The following DCX variants were observed in gnomAD, a reference collection of about 807,000 sequenced individuals.
DCX encodes the protein doublecortin, also known as neuronal migration protein doublecortin.
In DCX, 4 loss-of-function variants were observed where a neutral mutation model predicts 20.9. The ratio of observed to expected loss-of-function variants is 0.19; its 90% confidence interval spans 0.09 to 0.44. The LOEUF (loss-of-function observed/expected upper bound fraction) is 0.44. DCX is among the 20% of genes least tolerant of loss of function. DCX has a pLI of 0.99. For missense variants in DCX, 133 were observed against 296.9 expected, an observed-to-expected ratio of 0.45 and a Z score of 4.06; for synonymous variants, 103 against 111.4, an observed-to-expected ratio of 0.92 and a Z score of 0.47.
intron 3 of DCX, among the ~76,000 whole-genome samples, chrX:111,344,088 T>C (rs1259047063): frequency 1.8e-5 from 2 of 112,241 alleles, no homozygotes; most frequent in Non-Finnish European, 3.8e-5. Flanking sequence ...GTTGAACATA[T>C]GCAAATCAAT....
chrX:111,391,530 C>T (rs1359091964), intron 3 of DCX, among the ~76,000 whole-genome samples: 2 of 111,282 alleles, frequency 1.8e-5, no homozygotes, highest in African/African-American at 3.3e-5. Flanking sequence ...CTGCCCGGCA[C>T]CTTACCTGTA....
intron 5 of DCX, among the ~76,000 whole-genome samples, chrX:111,328,528 C>T (rs919481660): frequency 3.6e-5 from 4 of 111,485 alleles, no homozygotes; most frequent in Non-Finnish European, 7.5e-5. Flanking sequence ...AAGCTGATAC[C>T]ACCTGAGAAT....
chrX:111,312,851 A>C, intron 5 of DCX, 115 bp from the exon 6 acceptor site: 1 of 713,708 alleles, frequency 1.4e-6, no homozygotes, highest in Non-Finnish European at 2.2e-6. Flanking sequence ...CAGACAACCA[A>C]GTGATTTGGT....
intron 1 of DCX, among the ~76,000 whole-genome samples, chrX:111,411,364 C>T (rs928032987): frequency 6.4e-5 from 7 of 108,630 alleles, no homozygotes; most frequent in African/African-American, 1.7e-4. Context: ...AGGAAGCACA[C>T]CTTTCATTGT....
At chrX:111,361,306 A>G (rs993155511) in intron 3 of DCX, among the ~76,000 whole-genome samples, 1 of 112,172 alleles carries the variant, frequency 8.9e-6, no homozygotes, top group Non-Finnish European at 1.9e-5. Context: ...TGTGTACTTA[A>G]AAAAATAATA....
At chrX:111,397,043 A>G (rs770981969) in intron 3 of DCX, among the ~76,000 whole-genome samples, 14 of 111,833 alleles carry the variant, frequency 1.3e-4, no homozygotes, top group African/African-American at 4.5e-4. Flanking sequence ...GACACATTCA[A>G]ACAAAATAAA....
rs1458303714 is a variant in DCX at position 111,300,490 on chromosome X, C to T, written c.*1197G>A. 2 of 112,411 alleles carry T rather than the reference C, an allele frequency of 1.8e-5. No homozygotes were observed. Among genetic ancestry groups the T allele is most frequent in the African/African-American group, 6.5e-5 (2 of 30,877 alleles). 9.3% of individuals were successfully genotyped at this position (112,411 alleles called of 1,213,427 possible). A position where few individuals can be genotyped will look rare whatever the true frequency, so the allele number is the denominator to read the frequency against. On this transcript the variant is annotated 3_prime_UTR_variant, in exon 7 of 7. Coordinates refer to ENST00000636035, the MANE Select transcript of DCX (RefSeq NM_001195553.2). ...TCCACATTGAAATTATTAATGCAAG[C>T]ATAACTGTTAAAAAGCTATCAAAAA...
chrX:111,388,997 G>C (rs934220298), intron 3 of DCX, among the ~76,000 whole-genome samples: 1 of 111,617 alleles, frequency 9.0e-6, no homozygotes, highest in Admixed American at 9.5e-5. Context: ...GGACAGACTA[G>C]TTTTGATAGA....
intron 5 of DCX, among the ~76,000 whole-genome samples, chrX:111,319,143 C>A (rs1258498562): frequency 1.8e-5 from 2 of 111,902 alleles, no homozygotes; most frequent in African/African-American, 6.5e-5. Context: ...AAGAAGTTTG[C>A]ATTTGGTTTC....
chrX:111,408,381 G>C (rs1426540715), intron 2 of DCX, among the ~76,000 whole-genome samples: 2 of 110,687 alleles, frequency 1.8e-5, no homozygotes, highest in Non-Finnish European at 3.8e-5. Flanking sequence ...CCAACACTTT[G>C]GGAGGCCAAG....
intron 5 of DCX, among the ~76,000 whole-genome samples, chrX:111,330,200 C>T (rs950613981): frequency 8.9e-6 from 1 of 112,065 alleles, no homozygotes; most frequent in Non-Finnish European, 1.9e-5. Context: ...TGCTTAATGG[C>T]ATAGTTTATT....
At chrX:111,346,469 G>T (rs1348608249) in intron 3 of DCX, among the ~76,000 whole-genome samples, 2 of 112,593 alleles carry the variant, frequency 1.8e-5, no homozygotes, top group Non-Finnish European at 3.8e-5. Context: ...CAAAGATTGT[G>T]TGATTCCACT....
At chrX:111,313,233 C>T (rs1287140328) in intron 5 of DCX, among the ~76,000 whole-genome samples, 4 of 110,608 alleles carry the variant, frequency 3.6e-5, no homozygotes, top group Non-Finnish European at 7.6e-5. Flanking sequence ...TTAGTCTCTC[C>T]CCCTCTCTTT....
At chrX:111,373,317 G>C (rs1186230949) in intron 3 of DCX, among the ~76,000 whole-genome samples, 3 of 111,800 alleles carry the variant, frequency 2.7e-5, no homozygotes, top group Non-Finnish European at 5.6e-5. Context: ...CAAGCTGCAA[G>C]AAATCCCTTC....
chrX:111,353,156 CT>C (rs748485572), intron 3 of DCX, among the ~76,000 whole-genome samples: 1 of 111,575 alleles, frequency 9.0e-6, no homozygotes, highest in Non-Finnish European at 1.9e-5. Flanking sequence ...GAACCAACTG[CT>C]GTTTTTCAAA....
intron 3 of DCX, among the ~76,000 whole-genome samples, chrX:111,368,882 C>T (rs1341508235): frequency 2.0e-5 from 2 of 97,971 alleles, no homozygotes; most frequent in Admixed American, 1.1e-4. Context: ...AGAACTAATA[C>T]GGGATATATA....
intron 4 of DCX, 116 bp downstream of exon 4, chrX:111,332,935 A>G (rs1428194500): frequency 7.0e-6 from 4 of 568,388 alleles, no homozygotes; most frequent in African/African-American, 2.3e-5. Context: ...GACCAACATT[A>G]TAAGCCCTTG....
chrX:111,320,296 A>G (rs1181984657), intron 5 of DCX, among the ~76,000 whole-genome samples: 1 of 112,215 alleles, frequency 8.9e-6, no homozygotes, highest in Non-Finnish European at 1.9e-5. Context: ...GAAAGGTGCC[A>G]TTTGACATGG....
Position 111,399,213 on chromosome X carries a change from CAT to C in DCX, c.705+1775_705+1776del, listed in dbSNP as rs761586513. ...ATCTCATTTAATGATGAATTATATG[CAT>C]ATATATATATATACATCCATGTGTC... On this transcript the variant is annotated intron_variant, in intron 3 of 6. Coordinates refer to ENST00000636035, the MANE Select transcript of DCX (RefSeq NM_001195553.2). Among the ~76,000 whole-genome samples the C allele has an allele frequency of 9.7e-4, 105 of 108,153 alleles. 2 individuals are homozygous for C. In the South Asian group the frequency reaches 0.032, roughly 33 times the overall value. 93.9% of individuals were successfully genotyped at this position (108,153 alleles called of 115,157 possible). A position where few individuals can be genotyped will look rare whatever the true frequency, so the allele number is the denominator to read the frequency against.
Sources: allele counts gnomAD v4.1 joint callset (sites outside exome capture counted in the v4.1 genomes callset), GRCh38; gene constraint gnomAD v4.1.1; transcripts MANE v1.5; gene names NCBI Gene and HGNC (gene_info 2026-07-23, HGNC 2026-07-21).